EIF4G3: variants seen among roughly 807,000 people sequenced by gnomAD.
EIF4G3 encodes eIF-4-gamma 3.
A neutral mutation model predicts 186.4 loss-of-function variants in EIF4G3; 34 were observed. That is an observed-to-expected ratio of 0.18 (90% CI 0.14 to 0.24). EIF4G3 has a LOEUF of 0.24. EIF4G3 is among the 10% of genes least tolerant of loss of function. The probability of loss-of-function intolerance (pLI) is 1.00; values close to 1 mark genes in which losing one functional copy is unlikely to be tolerated. For missense variants in EIF4G3, 1,536 were observed against 1,948.5 expected (o/e 0.79, Z 3.99); for synonymous variants, 673 against 679.5 (o/e 0.99, Z 0.15).
rs1557676796 is a variant in EIF4G3 at position 21,043,868 on chromosome 1, C to CAAAAAAAAAAAAAAAA, written c.-67+6997_-67+6998insTTTTTTTTTTTTTTTT. On this transcript the variant is annotated intron_variant, in intron 4 of 36. Transcript: ENST00000602326. ...TTTGGGTGACAGAGTGAAACCTTGG[C>CAAAAAAAAAAAAAAAA]GCAAAAAAAAAAAAAGGAAGGATGG... Among the ~76,000 whole-genome samples the CAAAAAAAAAAAAAAAA allele has an allele frequency of 9.9e-5, 2 of 20,300 alleles. 1 individual carries two copies. The highest frequency in any genetic ancestry group is 2.5e-4 in the Non-Finnish European group (2 of 8,002). The allele number at this position is 20,300 out of a possible 152,430, so 13.3% of individuals were successfully genotyped here.
chr1:21,129,826 G>A (rs2097121372), intron 2 of EIF4G3, among the ~76,000 whole-genome samples: 1 of 151,950 alleles, frequency 6.6e-6, no homozygotes, highest in South Asian at 2.1e-4. Context: ...AGGGCAAGGG[G>A]TGAGAAATTC....
chr1:21,150,918 G>A (rs1167181280), intron 2 of EIF4G3, among the ~76,000 whole-genome samples: 2 of 152,180 alleles, frequency 1.3e-5, no homozygotes, highest in Non-Finnish European at 1.5e-5. Flanking sequence ...AGAGGTTGCA[G>A]TGAGTCAGAA....
intron 2 of EIF4G3, among the ~76,000 whole-genome samples, chr1:21,109,679 C>G (rs1180474195): frequency 6.6e-6 from 1 of 152,140 alleles, no homozygotes; most frequent in Non-Finnish European, 1.5e-5. Context: ...ATGTAAGGAA[C>G]AGAGGAAGCA....
intron 33 of EIF4G3, among the ~76,000 whole-genome samples, chr1:20,817,801 A>C (rs971166750): frequency 4.7e-5 from 7 of 149,096 alleles, no homozygotes; most frequent in African/African-American, 1.7e-4. Flanking sequence ...CAGCCTCCTG[A>C]GTAGCTGGGA....
chr1:21,069,524 T>C (rs895815205), intron 3 of EIF4G3, among the ~76,000 whole-genome samples: 3 of 152,214 alleles, frequency 2.0e-5, no homozygotes, highest in African/African-American at 4.8e-5. Context: ...ATTCAATATA[T>C]GTTTTCTAAA....
intron 32 of EIF4G3, among the ~76,000 whole-genome samples, chr1:20,826,486 T>C (rs1331733980): frequency 4.6e-5 from 6 of 129,590 alleles, no homozygotes; most frequent in Middle Eastern, 3.6e-3. Flanking sequence ...TCTTTCTTTT[T>C]TTTTTTTTTT....
chr1:20,980,341 A>G lies in EIF4G3; in HGVS notation c.486T>C (p.Asn162=). 1 of 1,549,266 alleles carries G rather than the reference A, an allele frequency of 6.5e-7. No individual in the cohort carries two copies. Among genetic ancestry groups the G allele is most frequent in the Non-Finnish European group, 8.6e-7 (1 of 1,157,784 alleles). The change falls in exon 10 of 37, where the codon AAT becomes AAC. Residue 162 remains asparagine, a synonymous_variant. Transcript: ENST00000602326. ...TTGACTTTTCCTACTTACCATAAGC[A>G]TTGGGGAAGTCCCCAGGTCCTGGTC... ...YPGPGPGDFP[N]AYGTPFYPSQ... is the part of the protein sequence containing the mutation.
chr1:21,127,346 A>C (rs2097065293), intron 2 of EIF4G3, among the ~76,000 whole-genome samples: 4 of 152,052 alleles, frequency 2.6e-5, no homozygotes, highest in Admixed American at 1.3e-4. Flanking sequence ...CAGCCTCCCA[A>C]AGTGTTGGGA....
chr1:21,063,908 A>G (rs949270009), intron 3 of EIF4G3, among the ~76,000 whole-genome samples: 1 of 147,624 alleles, frequency 6.8e-6, no homozygotes, highest in African/African-American at 2.5e-5. Context: ...TTTTTATCAC[A>G]GATGGGGTTT....
At chr1:20,912,761 A>G (rs1297976441) in intron 14 of EIF4G3, among the ~76,000 whole-genome samples, 1 of 151,706 alleles carries the variant, frequency 6.6e-6, no homozygotes, top group Non-Finnish European at 1.5e-5. Flanking sequence ...GAGATCTACA[A>G]GTTGGCACTA....
At chr1:21,080,039 T>C (rs1444211237) in intron 3 of EIF4G3, among the ~76,000 whole-genome samples, 1 of 151,286 alleles carries the variant, frequency 6.6e-6, no homozygotes, top group Non-Finnish European at 1.5e-5. Context: ...TAATCCCAGC[T>C]ACTCGGGAGG....
Position 21,176,881 on chromosome 1 carries a change from A to C in EIF4G3, c.-615T>G. ...ACATGGCGCTGTGGCCGCCTCCAGC[A>C]GTCCGGCAGGACGGCTGCTCGGAAA... On this transcript the variant is annotated 5_prime_UTR_variant, in exon 1 of 37. Coordinates refer to ENST00000602326, the MANE Select transcript of EIF4G3 (RefSeq NM_001391906.1). 1.4e-6 allele frequency: 1 copy of C among 694,528 alleles called. No homozygotes were observed. Among genetic ancestry groups the C allele is most frequent in the Non-Finnish European group, 2.6e-6 (1 of 380,402 alleles). 43.0% of individuals were successfully genotyped at this position (694,528 alleles called of 1,614,324 possible).
chr1:21,071,299 C>G (rs1290980707), intron 3 of EIF4G3, among the ~76,000 whole-genome samples: 1 of 152,150 alleles, frequency 6.6e-6, no homozygotes, highest in Admixed American at 6.5e-5. Context: ...GTAGTCCCAG[C>G]TACTTGGGAG....
At position 21,061,896 on chromosome 1, in the gene EIF4G3, T is replaced by C. The variant is rs551144745; in HGVS notation, c.-195-10902A>G. The stretch of plus-strand genomic sequence containing the variant: ...CCAAGTAGCTGGGACTACAGGCACA[T>C]GCCACCATGCCTGGCTAATTTTTGT... On this transcript the variant is annotated intron_variant, in intron 3 of 36. Coordinates refer to ENST00000602326, the MANE Select transcript of EIF4G3 (RefSeq NM_001391906.1). Among the ~76,000 whole-genome samples, 23 of 151,920 alleles carry C rather than the reference T, an allele frequency of 1.5e-4. No homozygotes were observed. In the South Asian group the frequency reaches 4.8e-3, roughly 32 times the overall value.
chr1:20,957,732 A>G (rs1452243637), intron 12 of EIF4G3, among the ~76,000 whole-genome samples: 2 of 152,150 alleles, frequency 1.3e-5, no homozygotes, highest in Non-Finnish European at 2.9e-5. Context: ...AACAAACACC[A>G]GAGAAATAAA....
chr1:21,048,815 G>T (rs2094042289), intron 4 of EIF4G3, among the ~76,000 whole-genome samples: 1 of 152,184 alleles, frequency 6.6e-6, no homozygotes. Context: ...CAAGATCTTA[G>T]CCCAGGGTAG....
rs1464103777 is a variant in EIF4G3 at position 20,931,488 on chromosome 1, T to C, written c.1663+10003A>G. Among the ~76,000 whole-genome samples the C allele has an allele frequency of 2.0e-5, 3 of 152,308 alleles. No individual in the cohort carries two copies. In the East Asian group the frequency reaches 5.8e-4, roughly 29 times the overall value. ...GGAAGAATAGATTTAGCAGAATTCT[T>C]AAGGGCCTTAGGACTTTCCATATGG... On this transcript the variant is annotated intron_variant, in intron 14 of 36. Transcript: ENST00000602326.
intron 18 of EIF4G3, chr1:20,893,290 A>G: frequency 2.7e-6 from 1 of 376,980 alleles, no homozygotes; most frequent in Non-Finnish European, 4.5e-6. Flanking sequence ...AAATAGGGAA[A>G]AAAAAAATCA....
At chr1:21,127,677 T>A (rs779199644) in intron 2 of EIF4G3, among the ~76,000 whole-genome samples, 1 of 152,202 alleles carries the variant, frequency 6.6e-6, no homozygotes, top group Non-Finnish European at 1.5e-5. Flanking sequence ...AACTATCTTA[T>A]AACTAGCATC....
Sources: allele counts gnomAD v4.1 joint callset (sites outside exome capture counted in the v4.1 genomes callset), GRCh38; gene constraint gnomAD v4.1.1; transcripts MANE v1.5; gene names NCBI Gene and HGNC (gene_info 2026-07-23, HGNC 2026-07-21).